The following TMEM132B variants were observed in gnomAD, a reference collection of about 807,000 sequenced individuals.
The protein encoded by TMEM132B is transmembrane protein 132B.
In TMEM132B, 18 loss-of-function variants were observed where a neutral mutation model predicts 90.8. The ratio of observed to expected loss-of-function variants is 0.20; its 90% confidence interval spans 0.14 to 0.29. TMEM132B has a LOEUF of 0.29. TMEM132B is among the 10% of genes least tolerant of loss of function. TMEM132B has a pLI of 1.00. For missense variants in TMEM132B, 1,096 were observed against 1,326.8 expected (o/e 0.83, Z 2.70); for synonymous variants, 504 against 523.3 (o/e 0.96, Z 0.50).
At chr12:125,435,586 G>A (rs973982628) in intron 3 of TMEM132B, among the ~76,000 whole-genome samples, 7 of 152,334 alleles carry the variant, frequency 4.6e-5, no homozygotes, top group Admixed American at 2.0e-4. Context: ...TGAATTTACC[G>A]CACTGAACAA....
At position 125,552,377 on chromosome 12, in the gene TMEM132B, G is replaced by C. The variant is rs564580799; in HGVS notation, c.1294-31474G>C. 1.3e-5 allele frequency among the ~76,000 whole-genome samples: 2 copies of C among 152,304 alleles called. 1 individual carries two copies. The highest frequency in any genetic ancestry group is 1.3e-4 in the Admixed American group (2 of 15,294). ...ACACGTTTTCTAGGCAGAGACAGAG[G>C]GGGGTGCCCTGGTGTCTGAGGCATT... On this transcript the variant is annotated intron_variant, in intron 4 of 8. Transcript: ENST00000682704.
intron 1 of TMEM132B, among the ~76,000 whole-genome samples, chr12:125,223,832 G>A (rs1593046901): frequency 1.3e-5 from 2 of 151,984 alleles, no homozygotes; most frequent in Admixed American, 1.3e-4. Context: ...TATTGCCTAG[G>A]GTGGCGCGAT....
chr12:125,344,330 G>C (rs1340860618), intron 1 of TMEM132B, among the ~76,000 whole-genome samples: 3 of 152,180 alleles, frequency 2.0e-5, no homozygotes, highest in African/African-American at 7.2e-5. Flanking sequence ...AACCAAATTG[G>C]GGATGATAAA....
At chr12:125,194,775 T>C (rs1304969017) in intron 1 of TMEM132B, among the ~76,000 whole-genome samples, 3 of 151,392 alleles carry the variant, frequency 2.0e-5, no homozygotes, top group African/African-American at 4.9e-5. Flanking sequence ...TTTTTGCGAG[T>C]CTCTAGGTTG....
chr12:125,436,009 C>T (rs1054673357), intron 3 of TMEM132B, among the ~76,000 whole-genome samples: 3 of 152,096 alleles, frequency 2.0e-5, no homozygotes, highest in African/African-American at 4.8e-5. Flanking sequence ...TAACAACAGT[C>T]TCCTATGAGC....
intron 3 of TMEM132B, among the ~76,000 whole-genome samples, chr12:125,510,881 A>G (rs1031359034): frequency 4.6e-5 from 7 of 152,162 alleles, no homozygotes; most frequent in African/African-American, 1.4e-4. Context: ...TTTTACTCTC[A>G]TTTCCTTCTA....
chr12:125,208,877 G>T (rs1442372681), intron 1 of TMEM132B, among the ~76,000 whole-genome samples: 1 of 152,160 alleles, frequency 6.6e-6, no homozygotes, highest in Non-Finnish European at 1.5e-5. Context: ...CCATAGAAGT[G>T]GCTGCCCTCG....
At chr12:125,596,736 AC>A (rs1413791813) in intron 5 of TMEM132B, among the ~76,000 whole-genome samples, 1 of 152,250 alleles carries the variant, frequency 6.6e-6, no homozygotes, top group African/African-American at 2.4e-5. Flanking sequence ...AAGAATGTCA[AC>A]CATGTCACTC....
intron 3 of TMEM132B, among the ~76,000 whole-genome samples, chr12:125,472,486 G>A (rs1446524037): frequency 2.6e-5 from 4 of 152,196 alleles, no homozygotes; most frequent in Non-Finnish European, 4.4e-5. Flanking sequence ...GTGGGGGCTG[G>A]AACAGTTTCT....
intron 3 of TMEM132B, among the ~76,000 whole-genome samples, chr12:125,496,863 A>G (rs986829313): frequency 1.3e-5 from 2 of 152,204 alleles, no homozygotes; most frequent in Non-Finnish European, 2.9e-5. Context: ...TAGGCTGTGA[A>G]CGGTATCATT....
At chr12:125,286,954 C>A (rs548548557) in intron 1 of TMEM132B, among the ~76,000 whole-genome samples, 4 of 151,844 alleles carry the variant, frequency 2.6e-5, no homozygotes, top group African/African-American at 9.7e-5. Flanking sequence ...CCACCCTCCT[C>A]GGCCTCCCTA....
At chr12:125,420,359 C>T (rs1218011830) in intron 3 of TMEM132B, among the ~76,000 whole-genome samples, 1 of 152,256 alleles carries the variant, frequency 6.6e-6, no homozygotes, top group African/African-American at 2.4e-5. Context: ...CAATTCTTAA[C>T]TTCTGTGCAC....
Position 125,277,581 on chromosome 12 carries a change from C to G in TMEM132B, c.68-71871C>G, listed in dbSNP as rs1012621969. On this transcript the variant is annotated intron_variant, in intron 1 of 8. Coordinates refer to ENST00000682704, the MANE Select transcript of TMEM132B (RefSeq NM_001366854.1). The surrounding 1 kb of genome is among the most constrained non-coding windows in gnomAD (Gnocchi z 4.3). ...GAAGATGCAGCAGAGATTGGAGTGA[C>G]GTGCCTACATGCCAGGGAACACCAA... is the stretch of plus-strand genomic sequence containing the variant. Among the ~76,000 whole-genome samples, 1 of 151,352 alleles carries G rather than the reference C, an allele frequency of 6.6e-6. No homozygotes were observed. Among genetic ancestry groups the G allele is most frequent in the Non-Finnish European group, 1.5e-5 (1 of 67,958 alleles).
chr12:125,476,304 T>C (rs1208759437), intron 3 of TMEM132B, among the ~76,000 whole-genome samples: 2 of 152,228 alleles, frequency 1.3e-5, no homozygotes, highest in African/African-American at 4.8e-5. Context: ...TGGCTTTCCA[T>C]TCCCTGCCCT....
intron 1 of TMEM132B, among the ~76,000 whole-genome samples, chr12:125,323,801 G>C (rs2136193226): frequency 6.6e-6 from 1 of 152,252 alleles, no homozygotes; most frequent in African/African-American, 2.4e-5. Context: ...TTACAGGCGT[G>C]AGCCACCGTA....
chr12:125,328,534 C>G (rs1876661693), intron 1 of TMEM132B, among the ~76,000 whole-genome samples: 1 of 152,156 alleles, frequency 6.6e-6, no homozygotes, highest in Non-Finnish European at 1.5e-5. Context: ...ATCCTTCCTG[C>G]CTCTTCAGCT....
intron 1 of TMEM132B, among the ~76,000 whole-genome samples, chr12:125,316,751 G>T (rs1876290204): frequency 6.6e-6 from 1 of 152,178 alleles, no homozygotes; most frequent in Non-Finnish European, 1.5e-5. Flanking sequence ...CAAAGTGGGG[G>T]GCTGCAGTGA....
In TMEM132B at chr12:125,349,997, C is replaced by T. The variant is rs970587183; in HGVS notation, c.613C>T (p.Leu205=). ...CGAGTGGTTCAGCTCAGGCCTGGAC[C>T]TGGAACCAGAGGAGGAGATCCCAGC... ...LPEWFSSGLD[L]EPEEEIPALL... The change falls in exon 2 of 9, where the codon CTG becomes TTG. Residue 205 remains leucine (L), a synonymous_variant. Transcript: ENST00000682704. This position sits in a 1 kb window ranked among gnomAD's most constrained non-coding sequence, Gnocchi z 4.1. 2 of 1,614,198 alleles carry T rather than the reference C, an allele frequency of 1.2e-6. No homozygotes were observed. Among genetic ancestry groups the T allele is most frequent in the South Asian group, 1.1e-5 (1 of 91,092 alleles).
intron 3 of TMEM132B, among the ~76,000 whole-genome samples, chr12:125,483,503 T>A: frequency 6.6e-6 from 1 of 152,190 alleles, no homozygotes; most frequent in East Asian, 1.9e-4. Context: ...ATTGGTTGAG[T>A]TATTTTTTTG....
Sources: allele counts gnomAD v4.1 joint callset (sites outside exome capture counted in the v4.1 genomes callset), GRCh38; gene constraint gnomAD v4.1.1; non-coding constraint Gnocchi (gnomAD v3.1); transcripts MANE v1.5; gene names NCBI Gene and HGNC (gene_info 2026-07-23, HGNC 2026-07-21).